DLEC1: variants seen among roughly 807,000 people sequenced by gnomAD.
DLEC1 encodes the protein deleted in lung and esophageal cancer protein 1.
A neutral mutation model predicts 198.1 loss-of-function variants in DLEC1; 146 were observed. The observed-to-expected ratio is 0.74, with a 90% confidence interval of 0.64 to 0.85. DLEC1 has a LOEUF of 0.85. DLEC1 is among the 40% of genes least tolerant of loss of function. The pLI is 0.00. For synonymous variants in DLEC1, 897 were observed against 866.8 expected (o/e 1.03, Z -0.61); for missense variants, 2,233 against 2,220.0 (o/e 1.01, Z -0.12).
At chr3:38,069,494 C>T (rs892384671) in intron 6 of DLEC1, among the ~76,000 whole-genome samples, 7 of 152,116 alleles carry the variant, frequency 4.6e-5, no homozygotes, top group African/African-American at 1.2e-4. Context: ...AGGAACAACA[C>T]ACACACACAC....
chr3:38,059,211 T>G (rs1696545384), intron 2 of DLEC1, among the ~76,000 whole-genome samples: 1 of 152,144 alleles, frequency 6.6e-6, no homozygotes, highest in African/African-American at 2.4e-5. Flanking sequence ...CAGGCTCAGG[T>G]CTGCTCTGGA....
In DLEC1 at chr3:38,112,897, G is replaced by A. The variant is rs1232418006; in HGVS notation, c.3666+536G>A. Among the ~76,000 whole-genome samples the A allele has an allele frequency of 6.6e-6, 1 of 152,180 alleles. No homozygotes were observed. Reference sequence around the variant, plus strand: ...AGGCACCCCTAGTTTAGTCTGGAGGGATGAAACCTGCATACGTTATCCTAC... The same window carrying A: ...AGGCACCCCTAGTTTAGTCTGGAGGAATGAAACCTGCATACGTTATCCTAC... On this transcript the variant is annotated intron_variant, in intron 25 of 36. Coordinates refer to ENST00000308059, the MANE Select transcript of DLEC1 (RefSeq NM_007335.4). The surrounding 1 kb of genome is among the most constrained non-coding windows in gnomAD (Gnocchi z 4.8).
At chr3:38,052,065 T>G (rs1701144792) in intron 2 of DLEC1, 1 of 258,298 alleles carries the variant, frequency 3.9e-6, no homozygotes, top group African/African-American at 2.2e-5. Flanking sequence ...TGCAATGTGC[T>G]TGTCTACAGT....
rs1699638813 is a variant in DLEC1 at position 38,107,701 on chromosome 3, T to C, written c.2982T>C (p.Asn994=). The change falls in exon 20 of 37, where the codon AAT becomes AAC. Residue 994 remains asparagine (N), a synonymous_variant. Coordinates refer to ENST00000308059, the MANE Select transcript of DLEC1 (RefSeq NM_007335.4). ...VPTKTTITLI[N]GTLLPTQFHW... is the part of the protein sequence containing the mutation. ...CGAAGACAACCATCACACTTATCAA[T>C]GGCACGCTCCTGCCTACCCAGTTCC... The C allele has an allele frequency of 6.2e-7, 1 of 1,613,970 alleles. No homozygotes were observed. Among genetic ancestry groups the C allele is most frequent in the African/African-American group, 1.3e-5 (1 of 74,902 alleles).
intron 10 of DLEC1, among the ~76,000 whole-genome samples, chr3:38,090,538 T>C (rs182609813): frequency 8.7e-4 from 133 of 152,340 alleles, no homozygotes; most frequent in Non-Finnish European, 2.8e-4. Context: ...CTGATTGACC[T>C]GAAGATTTTT....
At chr3:38,063,035 T>A (rs1696780521) in intron 5 of DLEC1, among the ~76,000 whole-genome samples, 1 of 152,168 alleles carries the variant, frequency 6.6e-6, no homozygotes, top group Non-Finnish European at 1.5e-5. Context: ...GGGTTGGTGT[T>A]GGCCCTTTAT....
chr3:38,088,125 A>G (rs1575178847), intron 9 of DLEC1, among the ~76,000 whole-genome samples, 171 bp from the exon 10 acceptor site: 1 of 152,224 alleles, frequency 6.6e-6, no homozygotes, highest in Non-Finnish European at 1.5e-5. Flanking sequence ...GTGATGGCTG[A>G]GTAAATGCCT....
intron 2 of DLEC1, among the ~76,000 whole-genome samples, chr3:38,052,925 GA>G (rs1365755540): frequency 1.3e-5 from 2 of 152,240 alleles, no homozygotes; most frequent in African/African-American, 4.8e-5. Context: ...GAGTGCCTGA[GA>G]TTGCAGGGGC....
chr3:38,052,981 G>A (rs1001850888), intron 2 of DLEC1, among the ~76,000 whole-genome samples: 4 of 152,216 alleles, frequency 2.6e-5, no homozygotes, highest in Admixed American at 2.6e-4. Context: ...TGGTGGAGAC[G>A]GGGTTTCGCT....
chr3:38,080,752 A>C (rs1485121373), intron 6 of DLEC1, among the ~76,000 whole-genome samples: 3 of 151,432 alleles, frequency 2.0e-5, no homozygotes, highest in Non-Finnish European at 4.4e-5. Flanking sequence ...AAGGAGGCAA[A>C]CACAGAGAGA....
chr3:38,087,336 C>CACACCATCCATCAGCACTG lies in DLEC1; in HGVS notation c.1573-924_1573-906dup, dbSNP rs535481184. Among the ~76,000 whole-genome samples the CACACCATCCATCAGCACTG allele has an allele frequency of 2.2e-5, 3 of 134,158 alleles. No homozygotes were observed. In the South Asian group the frequency reaches 7.5e-4, roughly 33 times the overall value. The allele number at this position is 134,158 out of a possible 152,430, so 88.0% of individuals were successfully genotyped here. Reference sequence around the variant, plus strand: ...CACTGACACCATCCATCAGCATGCTCACACCATCCATCAGCACTGACACCA... The same window carrying CACACCATCCATCAGCACTG: ...CACTGACACCATCCATCAGCATGCTCACACCATCCATCAGCACTGACACCATCCATCAGCACTGACACCA... On this transcript the variant is annotated intron_variant, in intron 9 of 36. Coordinates refer to ENST00000308059, the MANE Select transcript of DLEC1 (RefSeq NM_007335.4).
At chr3:38,085,625 A>T (rs528954606) in intron 8 of DLEC1, among the ~76,000 whole-genome samples, 178 bp downstream of exon 8, 1 of 152,180 alleles carries the variant, frequency 6.6e-6, no homozygotes, top group African/African-American at 2.4e-5. Context: ...GTGTCAAGCC[A>T]TGATTGTTCT....
chr3:38,108,588 G>A lies in DLEC1; in HGVS notation c.3129+73G>A, dbSNP rs1277220695. On this transcript the variant is annotated intron_variant, in intron 21 of 36. Coordinates refer to ENST00000308059, the MANE Select transcript of DLEC1 (RefSeq NM_007335.4). ...AACCATACGCACCTGTGCCACCAGGGAGGCCCTAGCTTAGGCCACATTGCT... is the reference window on the plus strand; with the variant it reads ...AACCATACGCACCTGTGCCACCAGGAAGGCCCTAGCTTAGGCCACATTGCT... The A allele has an allele frequency of 2.4e-6, 3 of 1,251,640 alleles. No homozygotes were observed. In the African/African-American group the frequency reaches 4.4e-5, roughly 19 times the overall value. 77.5% of individuals were successfully genotyped at this position (1,251,640 alleles called of 1,614,324 possible). A position where few individuals can be genotyped will look rare whatever the true frequency, so the allele number is the denominator to read the frequency against.
intron 26 of DLEC1, 73 bp downstream of exon 26, chr3:38,114,533 C>G: frequency 6.8e-7 from 1 of 1,473,996 alleles, no homozygotes; most frequent in Admixed American, 1.7e-5. Flanking sequence ...GCTGGGCTGC[C>G]CACGTTGGCT....
At chr3:38,041,389 C>T (rs1700645922) in intron 1 of DLEC1, among the ~76,000 whole-genome samples, 1 of 152,154 alleles carries the variant, frequency 6.6e-6, no homozygotes, top group Non-Finnish European at 1.5e-5. Flanking sequence ...TTGATCCTTC[C>T]ACCTCAGCCT....
At chr3:38,075,789 T>C (rs887264896) in intron 6 of DLEC1, among the ~76,000 whole-genome samples, 4 of 151,842 alleles carry the variant, frequency 2.6e-5, no homozygotes, top group Non-Finnish European at 5.9e-5. Context: ...AAAGCGGGAC[T>C]TGCCACTAAG....
chr3:38,081,471 G>A (rs1325330525), intron 6 of DLEC1, among the ~76,000 whole-genome samples: 3 of 92,608 alleles, frequency 3.2e-5, no homozygotes, highest in South Asian at 3.3e-4. Context: ...CCTCCCGGAC[G>A]GGGCGGCTGG....
At chr3:38,093,542 C>A in intron 11 of DLEC1, 63 bp from the exon 12 acceptor site, 1 of 1,594,142 alleles carries the variant, frequency 6.3e-7, no homozygotes, top group South Asian at 1.1e-5. Flanking sequence ...GGTCCTGCAG[C>A]AGCCTTGGCC....
intron 1 of DLEC1, among the ~76,000 whole-genome samples, chr3:38,043,700 C>CT (rs1189175890): frequency 2.1e-4 from 31 of 149,496 alleles, no homozygotes; most frequent in African/African-American, 3.9e-4. Flanking sequence ...CACAATAAAT[C>CT]TTTTTTTTTT....
Sources: gnomAD v4.1 joint callset for allele counts (sites outside exome capture counted in the v4.1 genomes callset) on GRCh38, gnomAD v4.1.1 for gene constraint, Gnocchi (gnomAD v3.1) non-coding constraint, MANE v1.5 for transcripts, NCBI Gene and HGNC (gene_info 2026-07-23, HGNC 2026-07-21) for gene names.